Variants in ANKS1B observed in about 807,000 individuals in gnomAD.
ANKS1B encodes the protein ankyrin repeat and sterile alpha motif domain containing 1B.
A neutral mutation model predicts 148.3 loss-of-function variants in ANKS1B; 36 were observed. That is an observed-to-expected ratio of 0.24 (90% CI 0.19 to 0.32). The LOEUF is 0.32. Ranked by LOEUF, ANKS1B falls within the 10% of genes least tolerant of loss-of-function variation. The probability of loss-of-function intolerance (pLI) is 1.00; values close to 1 mark genes in which losing one functional copy is unlikely to be tolerated. For missense variants in ANKS1B, 1,157 were observed against 1,542.6 expected (o/e 0.75, Z 4.19); for synonymous variants, 542 against 560.8 (o/e 0.97, Z 0.47).
At chr12:99,885,715 T>G (rs982846154) in intron 1 of ANKS1B, among the ~76,000 whole-genome samples, 2 of 152,140 alleles carry the variant, frequency 1.3e-5, no homozygotes, top group African/African-American at 4.8e-5. Flanking sequence ...CAGTGTCCAT[T>G]GTATCCAGTA....
intron 14 of ANKS1B, among the ~76,000 whole-genome samples, chr12:99,168,957 C>T (rs985848494): frequency 6.6e-6 from 1 of 152,128 alleles, no homozygotes; most frequent in Admixed American, 6.5e-5. Flanking sequence ...TTAATTTATT[C>T]TTTTAAAAGT....
At chr12:99,835,119 T>C (rs189548145) in intron 1 of ANKS1B, among the ~76,000 whole-genome samples, 2 of 151,802 alleles carry the variant, frequency 1.3e-5, no homozygotes, top group East Asian at 1.9e-4. Context: ...CCTTTAGAAA[T>C]ACAAGGTGAG....
At chr12:99,749,940 C>T (rs925236309) in intron 8 of ANKS1B, among the ~76,000 whole-genome samples, 8 of 151,814 alleles carry the variant, frequency 5.3e-5, no homozygotes, top group South Asian at 4.1e-4. Context: ...AAGAAAAAAA[C>T]GAAAAATAGT....
intron 11 of ANKS1B, among the ~76,000 whole-genome samples, chr12:99,432,071 C>T (rs2095383559): frequency 6.6e-6 from 1 of 152,134 alleles, no homozygotes; most frequent in African/African-American, 2.4e-5. Flanking sequence ...TGGAGTTTTG[C>T]CTCTTCACAT....
intron 17 of ANKS1B, among the ~76,000 whole-genome samples, chr12:98,999,492 T>A (rs917891602): frequency 6.6e-5 from 10 of 152,210 alleles, no homozygotes; most frequent in African/African-American, 2.4e-4. Flanking sequence ...TTGGGTCAGA[T>A]AAATAGCAAA....
intron 1 of ANKS1B, among the ~76,000 whole-genome samples, chr12:99,954,191 T>C (rs1008977364): frequency 3.3e-5 from 5 of 152,226 alleles, no homozygotes; most frequent in African/African-American, 1.2e-4. Context: ...TAACAAAACC[T>C]GAATTTTTCA....
At chr12:99,104,653 T>C (rs2058734402) in intron 15 of ANKS1B, 1 of 152,172 alleles carries the variant, frequency 6.6e-6, no homozygotes. Context: ...AATTGAATGG[T>C]ATTACCTGGA....
chr12:99,126,508 C>G (rs868238545), intron 15 of ANKS1B, among the ~76,000 whole-genome samples: 1 of 152,092 alleles, frequency 6.6e-6, no homozygotes, highest in Admixed American at 6.6e-5. Context: ...CCCCTCCCCC[C>G]ACCTTACCCT....
At chr12:99,293,218 G>A (rs2080293530) in intron 12 of ANKS1B, among the ~76,000 whole-genome samples, 1 of 152,086 alleles carries the variant, frequency 6.6e-6, no homozygotes, top group Non-Finnish European at 1.5e-5. Context: ...GGATGAAGCT[G>A]GAAACTATCA....
chr12:98,832,193 T>C, intron 17 of ANKS1B, 57 bp from the exon 18 acceptor site: 3 of 1,352,996 alleles, frequency 2.2e-6, no homozygotes, highest in Non-Finnish European at 3.0e-6. Context: ...AATTTTTATA[T>C]GTCCTAAAAC....
intron 8 of ANKS1B, among the ~76,000 whole-genome samples, chr12:99,770,791 A>T (rs1486835831): frequency 6.6e-6 from 1 of 152,106 alleles, no homozygotes; most frequent in Non-Finnish European, 1.5e-5. Context: ...CTTCCAAATA[A>T]ACAGAATTAT....
At chr12:98,742,663 T>TAACA (rs919306190), downstream of ANKS1B, among the ~76,000 whole-genome samples, 2 of 152,256 alleles carry the variant, frequency 1.3e-5, no homozygotes, top group East Asian at 1.9e-4. Context: ...TCCTAGCTAC[T>TAACA]AACAGAGTCA....
chr12:99,429,390 A>T (rs2095324970), intron 11 of ANKS1B, among the ~76,000 whole-genome samples: 1 of 152,238 alleles, frequency 6.6e-6, no homozygotes, highest in South Asian at 2.1e-4. Context: ...AAATTGAGGA[A>T]CATTACACAA....
At chr12:99,478,101 A>G (rs1386892942) in intron 10 of ANKS1B, among the ~76,000 whole-genome samples, 1 of 152,140 alleles carries the variant, frequency 6.6e-6, no homozygotes, top group Non-Finnish European at 1.5e-5. Flanking sequence ...GAGTAAGGAA[A>G]GTAATATGCA....
intron 12 of ANKS1B, among the ~76,000 whole-genome samples, chr12:99,257,315 C>T (rs907308059): frequency 1.3e-5 from 2 of 152,032 alleles, no homozygotes; most frequent in Non-Finnish European, 2.9e-5. Context: ...CTTCATATCT[C>T]TTCATACCTT....
chr12:99,327,029 T>C (rs1047710845), intron 12 of ANKS1B, among the ~76,000 whole-genome samples: 1 of 118,866 alleles, frequency 8.4e-6, no homozygotes, highest in Non-Finnish European at 1.6e-5. Context: ...TTATAATAAA[T>C]ATTATATATA....
intron 14 of ANKS1B, among the ~76,000 whole-genome samples, chr12:99,215,128 C>T (rs148487065): frequency 3.4e-4 from 52 of 152,190 alleles, no homozygotes; most frequent in African/African-American, 1.1e-3. Flanking sequence ...AAAAGGGAAG[C>T]AGGCTATTGC....
At chr12:99,284,415 T>C (rs1337766296) in intron 12 of ANKS1B, among the ~76,000 whole-genome samples, 2 of 152,198 alleles carry the variant, frequency 1.3e-5, no homozygotes, top group African/African-American at 4.8e-5. Context: ...CTGCATTGGG[T>C]GAACTGTGAC....
intron 8 of ANKS1B, among the ~76,000 whole-genome samples, chr12:99,728,864 G>C (rs1187934500): frequency 6.6e-6 from 1 of 152,090 alleles, no homozygotes; most frequent in Non-Finnish European, 1.5e-5. Flanking sequence ...TAACTAACAG[G>C]AACAGAAAAC....
Sources: gnomAD v4.1 joint callset for allele counts (sites outside exome capture counted in the v4.1 genomes callset) on GRCh38, gnomAD v4.1.1 for gene constraint, MANE v1.5 for transcripts, NCBI Gene and HGNC (gene_info 2026-07-23, HGNC 2026-07-21) for gene names.